ABI3BP: variants seen among roughly 807,000 people sequenced by gnomAD.
ABI3BP encodes ABI family member 3 binding protein, also known as target of Nesh-SH3.
In ABI3BP, 216 loss-of-function variants were observed where a neutral mutation model predicts 268.6. The observed-to-expected ratio is 0.80, with a 90% CI of 0.72 to 0.90. The LOEUF is 0.90. Ranked by LOEUF, ABI3BP falls within the 40% of genes least tolerant of loss-of-function variation. The probability of loss-of-function intolerance (pLI) is 0.00; values close to 1 mark genes in which losing one functional copy is unlikely to be tolerated. For missense variants in ABI3BP, 2,090 were observed against 2,182.4 expected (o/e 0.96, Z 0.84); for synonymous variants, 730 against 730.0 (o/e 1.00, Z 0.00).
intron 63 of ABI3BP, among the ~76,000 whole-genome samples, chr3:100,757,236 A>G (rs1354530167): frequency 1.3e-5 from 2 of 152,204 alleles, no homozygotes; most frequent in Admixed American, 1.3e-4. Flanking sequence ...AAATTATCCT[A>G]GAAACTTTGT....
intron 1 of ABI3BP, among the ~76,000 whole-genome samples, chr3:100,955,374 A>G (rs575186730): frequency 2.0e-5 from 3 of 152,340 alleles, no homozygotes; most frequent in African/African-American, 7.2e-5. Context: ...CTGCTGATTC[A>G]GTTTCCCTTT....
intron 20 of ABI3BP, among the ~76,000 whole-genome samples, chr3:100,842,428 T>C (rs2098717211): frequency 6.6e-6 from 1 of 152,190 alleles, no homozygotes; most frequent in South Asian, 2.1e-4. Context: ...CCTGGTACTG[T>C]GTCTGTGCTG....
intron 4 of ABI3BP, among the ~76,000 whole-genome samples, chr3:100,897,297 A>G: frequency 6.6e-6 from 1 of 152,176 alleles, no homozygotes; most frequent in East Asian, 1.9e-4. Context: ...TATACGTAAT[A>G]TACATCTTCC....
At chr3:100,756,183 A>G (rs1444485863) in intron 63 of ABI3BP, among the ~76,000 whole-genome samples, 3 of 152,238 alleles carry the variant, frequency 2.0e-5, no homozygotes, top group African/African-American at 4.8e-5. Flanking sequence ...TTCAGCTGAG[A>G]GCAATGAGGC....
intron 4 of ABI3BP, among the ~76,000 whole-genome samples, chr3:100,886,606 A>G (rs1047599919): frequency 6.6e-6 from 1 of 152,032 alleles, no homozygotes; most frequent in African/African-American, 2.4e-5. Flanking sequence ...TGCAAGATGA[A>G]AGTTGGAAAA....
At chr3:100,787,686 A>G (rs1355531439) in intron 57 of ABI3BP, 42 bp downstream of exon 57, 1 of 1,413,298 alleles carries the variant, frequency 7.1e-7, no homozygotes, top group Non-Finnish European at 9.4e-7. Flanking sequence ...TAACACTTAT[A>G]GTTTTGACAG....
intron 62 of ABI3BP, among the ~76,000 whole-genome samples, chr3:100,768,698 G>GATT (rs557743656): frequency 1.3e-5 from 2 of 151,938 alleles, no homozygotes; most frequent in Admixed American, 6.6e-5. Context: ...TAACAATGAG[G>GATT]ATTATTATTA....
intron 63 of ABI3BP, among the ~76,000 whole-genome samples, chr3:100,765,120 A>AAT (rs2096212716): frequency 2.0e-5 from 3 of 151,392 alleles, no homozygotes; most frequent in Non-Finnish European, 4.4e-5. Flanking sequence ...AAAAAAAAAA[A>AAT]CTTGGAACTT....
intron 66 of ABI3BP, 121 bp from the exon 67 acceptor site, chr3:100,751,795 C>T (rs1031354939): frequency 1.1e-4 from 111 of 991,554 alleles, no homozygotes; most frequent in Non-Finnish European, 1.4e-4. Flanking sequence ...CTAGTTCAAA[C>T]CAACAATGTT....
intron 3 of ABI3BP, among the ~76,000 whole-genome samples, chr3:100,901,507 T>C (rs2050293777): frequency 6.6e-6 from 1 of 152,164 alleles, no homozygotes; most frequent in South Asian, 2.1e-4. Context: ...CTCACACCTG[T>C]AATCCCAGCA....
intron 41 of ABI3BP, 55 bp from the exon 42 acceptor site, chr3:100,817,550 C>A (rs561374427): frequency 1.5e-6 from 2 of 1,297,546 alleles, no homozygotes; most frequent in South Asian, 1.5e-5. Flanking sequence ...ATTAATTTCA[C>A]AGTTCAATTT....
At chr3:100,844,296 A>G (rs2098742813) in intron 20 of ABI3BP, 1 of 985,474 alleles carries the variant, frequency 1.0e-6, no homozygotes, top group Non-Finnish European at 1.2e-6. Flanking sequence ...TCAGTCCATT[A>G]GAAGCTTAAA....
intron 51 of ABI3BP, among the ~76,000 whole-genome samples, chr3:100,799,802 C>T (rs1404620662): frequency 6.6e-6 from 1 of 152,146 alleles, no homozygotes; most frequent in Non-Finnish European, 1.5e-5. Context: ...ATGATATTAT[C>T]CAACATTTAA....
Position 100,808,296 on chromosome 3 carries a change from C to T in ABI3BP, c.3608-61G>A, listed in dbSNP as rs376889483. Reference sequence around the variant, plus strand: ...CCTTCAAGAATGACAGTACCTAAGCCTCTAGAAGCTCAGGGATGTTTACTG... The same window carrying T: ...CCTTCAAGAATGACAGTACCTAAGCTTCTAGAAGCTCAGGGATGTTTACTG... On this transcript the variant is annotated intron_variant, in intron 49 of 67. Transcript: ENST00000471714. The T allele has an allele frequency of 3.2e-4, 404 of 1,267,590 alleles. 2 individuals are homozygous for T. The African/African-American group carries it at 5.6e-3, about 18-fold the overall frequency. The allele number at this position is 1,267,590 out of a possible 1,614,324, so 78.5% of individuals were successfully genotyped here.
At chr3:100,859,179 A>G (rs149675516) in intron 14 of ABI3BP, among the ~76,000 whole-genome samples, 56 of 152,320 alleles carry the variant, frequency 3.7e-4, no homozygotes, top group South Asian at 1.9e-3. Flanking sequence ...TTCAACTACA[A>G]GTGTGTTCTG....
intron 62 of ABI3BP, among the ~76,000 whole-genome samples, chr3:100,766,241 G>A (rs2096264341): frequency 6.6e-6 from 1 of 152,348 alleles, no homozygotes; most frequent in South Asian, 2.1e-4. Context: ...TGGTTGCTTT[G>A]GATACATAGC....
intron 8 of ABI3BP, 88 bp downstream of exon 8, chr3:100,875,420 A>T: frequency 1.0e-6 from 1 of 972,704 alleles, no homozygotes; most frequent in Non-Finnish European, 1.7e-6. Flanking sequence ...AAACAGAACT[A>T]CTCACACTGC....
At chr3:100,827,328 G>A (rs1004245969) in intron 34 of ABI3BP, among the ~76,000 whole-genome samples, 3 of 152,036 alleles carry the variant, frequency 2.0e-5, no homozygotes, top group African/African-American at 7.2e-5. Flanking sequence ...CAACCATGAG[G>A]GGGTAACAAC....
intron 9 of ABI3BP, 91 bp from the exon 10 acceptor site, chr3:100,867,047 A>G: frequency 4.4e-6 from 4 of 908,404 alleles, no homozygotes; most frequent in Non-Finnish European, 7.0e-6. Flanking sequence ...CTAAAAATCT[A>G]ATCTCACACT....
Sources: gnomAD v4.1 joint callset for allele counts (sites outside exome capture counted in the v4.1 genomes callset) on GRCh38, gnomAD v4.1.1 for gene constraint, MANE v1.5 for transcripts, NCBI Gene and HGNC (gene_info 2026-07-23, HGNC 2026-07-21) for gene names.